The following PTN variants were observed in gnomAD, a reference collection of about 807,000 sequenced individuals.
The protein encoded by PTN is heparin affin regulatory protein.
PTN carries 18 observed loss-of-function variants against 24.1 expected under a neutral mutation model. The ratio of observed to expected loss-of-function variants is 0.75; its 90% CI spans 0.52 to 1.11. The LOEUF (loss-of-function observed/expected upper bound fraction) is 1.11. Among genes scored for constraint, PTN ranks in the 50% least tolerant of loss-of-function variants. PTN has a pLI of 0.00. For missense variants in PTN, 163 were observed against 198.8 expected (o/e 0.82, Z 1.08); for synonymous variants, 78 against 68.6 (o/e 1.14, Z -0.67).
chr7:137,288,555 T>C (rs941361575), intron 1 of PTN, among the ~76,000 whole-genome samples: 2 of 152,180 alleles, frequency 1.3e-5, no homozygotes, highest in Non-Finnish European at 2.9e-5. Context: ...ATTTACTGAA[T>C]TTTATCTAAA....
At chr7:137,241,693 G>A (rs1008416871) in intron 4 of PTN, among the ~76,000 whole-genome samples, 4 of 152,020 alleles carry the variant, frequency 2.6e-5, no homozygotes, top group African/African-American at 7.2e-5. Context: ...CTTCTAGTAC[G>A]GTATCATGGA....
At chr7:137,239,463 A>C (rs1808586478) in intron 4 of PTN, among the ~76,000 whole-genome samples, 1 of 151,804 alleles carries the variant, frequency 6.6e-6, no homozygotes, top group African/African-American at 2.4e-5. Flanking sequence ...GGTTAGTTAC[A>C]CATGTATACA....
At chr7:137,328,052 A>T (rs1417102119) in intron 1 of PTN, among the ~76,000 whole-genome samples, 6 of 152,316 alleles carry the variant, frequency 3.9e-5, no homozygotes, top group Non-Finnish European at 7.4e-5. Context: ...TAAGGAAATC[A>T]CTAACTATAT....
chr7:137,243,995 A>C (rs1563197557), intron 4 of PTN, among the ~76,000 whole-genome samples: 1 of 152,138 alleles, frequency 6.6e-6, no homozygotes, highest in African/African-American at 2.4e-5. Context: ...AATACCCTTG[A>C]ATAGACCTCT....
chr7:137,231,581 T>C (rs1239536977), intron 4 of PTN, among the ~76,000 whole-genome samples: 1 of 151,958 alleles, frequency 6.6e-6, no homozygotes. Context: ...ACCCTATCTG[T>C]ATGTTGCAAC....
At chr7:137,288,794 AT>A (rs1718180458) in intron 1 of PTN, among the ~76,000 whole-genome samples, 1 of 152,186 alleles carries the variant, frequency 6.6e-6, no homozygotes, top group African/African-American at 2.4e-5. Context: ...TTCATTAATA[AT>A]GATATTATTA....
chr7:137,297,633 C>T (rs1809739467), intron 1 of PTN, among the ~76,000 whole-genome samples: 3 of 151,948 alleles, frequency 2.0e-5, no homozygotes, highest in African/African-American at 4.8e-5. Flanking sequence ...CACACAACAA[C>T]AACAACAAAA....
intron 1 of PTN, among the ~76,000 whole-genome samples, chr7:137,300,312 C>A (rs532395164): frequency 6.6e-6 from 1 of 152,026 alleles, no homozygotes; most frequent in African/African-American, 2.4e-5. Context: ...TTCAAATGAA[C>A]TTAATTTTCT....
chr7:137,286,212 G>T (rs1809551570), intron 1 of PTN, among the ~76,000 whole-genome samples: 1 of 152,170 alleles, frequency 6.6e-6, no homozygotes, highest in African/African-American at 2.4e-5. Flanking sequence ...AGTCATTGAG[G>T]TATATTTATA....
intron 1 of PTN, among the ~76,000 whole-genome samples, chr7:137,324,433 A>AAAAAATATATATATATATATATAT: frequency 2.3e-5 from 2 of 88,762 alleles, no homozygotes; most frequent in Admixed American, 1.5e-4. Flanking sequence ...AAAAAAAAAA[A>AAAAAATATATATATATATATATAT]ATATATATAT....
At chr7:137,307,907 A>G (rs909213886) in intron 1 of PTN, among the ~76,000 whole-genome samples, 8 of 152,130 alleles carry the variant, frequency 5.3e-5, no homozygotes, top group Admixed American at 1.3e-4. Context: ...GTTCCATGCT[A>G]AATGCCATGA....
chr7:137,268,876 A>C, intron 1 of PTN, among the ~76,000 whole-genome samples: 1 of 152,126 alleles, frequency 6.6e-6, no homozygotes, highest in East Asian at 1.9e-4. Flanking sequence ...TAGTTCTGTC[A>C]CCTCATTGCT....
intron 1 of PTN, among the ~76,000 whole-genome samples, chr7:137,261,858 TTCTCTGCATGTGGGGCAGGGCCC>T (rs1156507951): frequency 2.0e-5 from 3 of 152,202 alleles, no homozygotes; most frequent in Non-Finnish European, 2.9e-5. Flanking sequence ...TACCTTTGCT[TTCTCTGCATGTGGGGCAGGGCCC>T]TCTCTGGAAT....
rs762868790 is a variant in PTN, at chr7:137,321,630, G to A, written c.-2+21809C>T. 3.9e-4 allele frequency among the ~76,000 whole-genome samples: 59 copies of A among 152,232 alleles called. 1 individual carries two copies. Among genetic ancestry groups the A allele is most frequent in the Admixed American group, 7.2e-4 (11 of 15,278 alleles). On this transcript the variant is annotated intron_variant, in intron 1 of 4. Coordinates refer to ENST00000348225, the MANE Select transcript of PTN (RefSeq NM_002825.7). ...ATGAAGATTGGGTGGCTTTTCTTCT[G>A]TTTAATCACTACCAGAAATAATTTC...
At chr7:137,276,588 G>C (rs959795916) in intron 1 of PTN, among the ~76,000 whole-genome samples, 9 of 152,152 alleles carry the variant, frequency 5.9e-5, no homozygotes, top group African/African-American at 2.2e-4. Context: ...TGGGGACCTG[G>C]CTTGCCATTG....
intron 1 of PTN, among the ~76,000 whole-genome samples, chr7:137,255,326 C>T (rs146721161): frequency 1.1e-4 from 16 of 152,304 alleles, no homozygotes; most frequent in South Asian, 6.2e-4. Context: ...TTGGTAATAT[C>T]GACAACTACA....
rs73452975 is a variant in PTN, at chr7:137,300,219, C to T, written c.-2+43220G>A. On this transcript the variant is annotated intron_variant, in intron 1 of 4. Coordinates refer to ENST00000348225, the MANE Select transcript of PTN (RefSeq NM_002825.7). ...CCCCATTTGACTCAGAATTTTGTGA[C>T]CATCAGAGTGGCCTTAGGGCCTAAG... Among the ~76,000 whole-genome samples, 718 of 152,004 alleles carry T rather than the reference C, an allele frequency of 4.7e-3. 2 individuals carry two copies. The highest frequency in any genetic ancestry group is 0.017 in the African/African-American group (693 of 41,494).
intron 1 of PTN, among the ~76,000 whole-genome samples, chr7:137,279,063 CAGTATG>C (rs2128875700): frequency 6.6e-6 from 1 of 151,184 alleles, no homozygotes; most frequent in Admixed American, 6.6e-5. Flanking sequence ...AGAAAAAAGT[CAGTATG>C]AATGAACCTG....
intron 1 of PTN, among the ~76,000 whole-genome samples, chr7:137,263,221 T>C (rs1809074929): frequency 6.6e-6 from 1 of 152,102 alleles, no homozygotes; most frequent in African/African-American, 2.4e-5. Flanking sequence ...ATAACTCTTA[T>C]TATAAGAGTT....
Sources: allele counts gnomAD v4.1 joint callset (sites outside exome capture counted in the v4.1 genomes callset), GRCh38; gene constraint gnomAD v4.1.1; transcripts MANE v1.5; gene names NCBI Gene and HGNC (gene_info 2026-07-23, HGNC 2026-07-21).